The following DNAJB6 variants were observed in gnomAD, a reference collection of about 807,000 sequenced individuals.
DNAJB6 encodes dnaJ homolog subfamily B member 6.
Under a neutral mutation model 42.7 loss-of-function variants are expected in DNAJB6, and 16 were observed. The ratio of observed to expected loss-of-function variants is 0.37; its 90% CI spans 0.25 to 0.57. DNAJB6 has a LOEUF of 0.57. Ranked by LOEUF, DNAJB6 falls within the 20% of genes least tolerant of loss-of-function variation. The pLI, the probability that DNAJB6 is intolerant of heterozygous loss-of-function variation, is 0.74. For missense variants in DNAJB6, 347 were observed against 416.8 expected, an observed-to-expected ratio of 0.83 and a Z score of 1.46; for synonymous variants, 170 against 163.5, an observed-to-expected ratio of 1.04 and a Z score of -0.30.
In DNAJB6 at chr7:157,357,288, G is replaced by A. The variant is rs12672903; in HGVS notation, c.-26-1259G>A. On this transcript the variant is annotated intron_variant, in intron 1 of 9. Transcript: ENST00000262177. The stretch of plus-strand genomic sequence containing the variant: ...CGTCCTTCCTTCCGTCCTTCCTTCC[G>A]TCCTTCCTTCCTTCCTTCCTTCCTT... Among the ~76,000 whole-genome samples the A allele has an allele frequency of 9.3e-5, 3 of 32,170 alleles. 1 individual carries two copies. The highest frequency in any genetic ancestry group is 2.6e-4 in the African/African-American group (3 of 11,464). The allele number at this position is 32,170 out of a possible 152,430, so 21.1% of individuals were successfully genotyped here.
At chr7:157,388,690 C>G (rs1056454583) in intron 8 of DNAJB6, among the ~76,000 whole-genome samples, 11 of 151,414 alleles carry the variant, frequency 7.3e-5, no homozygotes, top group Non-Finnish European at 1.5e-4. Context: ...ATAGTGAATT[C>G]TGAGATGTTA....
At chr7:157,353,721 G>A (rs551076203) in intron 1 of DNAJB6, among the ~76,000 whole-genome samples, 119 of 152,076 alleles carry the variant, frequency 7.8e-4, no homozygotes, top group African/African-American at 2.5e-3. Context: ...ATGCCGCGGT[G>A]CAGTCCTGAC....
intron 5 of DNAJB6, chr7:157,381,351 C>T (rs1800758754): frequency 6.6e-6 from 1 of 152,108 alleles, no homozygotes; most frequent in African/African-American, 2.4e-5. Flanking sequence ...GGATTCCTTG[C>T]TTTTATCACA....
At chr7:157,338,034 G>T (rs1246593186) in intron 1 of DNAJB6, among the ~76,000 whole-genome samples, 1 of 152,220 alleles carries the variant, frequency 6.6e-6, no homozygotes, top group Non-Finnish European at 1.5e-5. Context: ...GGAAGAGTAG[G>T]CTGAGCGGCG....
chr7:157,367,570 T>C (rs1799905167), intron 5 of DNAJB6, 87 bp downstream of exon 5: 1 of 897,854 alleles, frequency 1.1e-6, no homozygotes, highest in South Asian at 1.3e-5. Flanking sequence ...GAATTAACAT[T>C]GTATTTTAGG....
chr7:157,405,507 A>T (rs1224339813), intron 8 of DNAJB6, among the ~76,000 whole-genome samples: 4 of 152,108 alleles, frequency 2.6e-5, no homozygotes, highest in Non-Finnish European at 5.9e-5. Flanking sequence ...CTGGGTTTCC[A>T]AGAACACCTG....
At chr7:157,393,757 C>T (rs980471053) in intron 8 of DNAJB6, among the ~76,000 whole-genome samples, 4 of 151,818 alleles carry the variant, frequency 2.6e-5, no homozygotes, top group South Asian at 2.1e-4. Flanking sequence ...ATGATCAGAT[C>T]GGGGTGCATG....
In DNAJB6 at chr7:157,416,908, C is replaced by T. The variant is rs1175422318; in HGVS notation, c.*810C>T. 6.6e-6 allele frequency: 1 copy of T among 152,218 alleles called. No individual in the cohort carries two copies. The highest frequency in any genetic ancestry group is 1.9e-4 in the East Asian group (1 of 5,204). 9.4% of individuals were successfully genotyped at this position (152,218 alleles called of 1,614,324 possible). ...GAGGTTGAACTCATGTTTCAGTTCG[C>T]GAACATTGACTCCTTACGAAAGTCA... is the stretch of plus-strand genomic sequence containing the variant. On this transcript the variant is annotated 3_prime_UTR_variant, in exon 10 of 10. Coordinates refer to ENST00000262177, the MANE Select transcript of DNAJB6 (RefSeq NM_058246.4).
At chr7:157,354,225 G>A (rs1376093869) in intron 1 of DNAJB6, among the ~76,000 whole-genome samples, 3 of 151,966 alleles carry the variant, frequency 2.0e-5, no homozygotes, top group Non-Finnish European at 2.9e-5. Context: ...TCGGCTCACC[G>A]CAGCCTCCGC....
chr7:157,384,787 T>C, intron 6 of DNAJB6, 80 bp from the exon 7 acceptor site: 1 of 1,371,890 alleles, frequency 7.3e-7, no homozygotes, highest in Non-Finnish European at 1.0e-6. Flanking sequence ...AATATTCTGC[T>C]ACTGAACTTT....
At chr7:157,382,461 T>C in intron 6 of DNAJB6, 84 bp downstream of exon 6, 1 of 1,446,764 alleles carries the variant, frequency 6.9e-7, no homozygotes, top group Non-Finnish European at 9.3e-7. Flanking sequence ...GTTAGAGTGC[T>C]TTAAAATATG....
intron 1 of DNAJB6, among the ~76,000 whole-genome samples, chr7:157,352,835 A>G (rs1250010290): frequency 6.6e-6 from 1 of 152,136 alleles, no homozygotes; most frequent in Non-Finnish European, 1.5e-5. Flanking sequence ...GTGAGTAGGT[A>G]GTTTTCCAAG....
In DNAJB6 at chr7:157,363,235, A is replaced by G; in HGVS notation, c.140A>G (p.Lys47Arg). 2 of 1,611,486 alleles carry G rather than the reference A, an allele frequency of 1.2e-6. No individual in the cohort carries two copies. The highest frequency in any genetic ancestry group is 1.7e-6 in the Non-Finnish European group (2 of 1,178,930). ...AAAGAAGAAGCAGAGAGAAAATTCAAGCAAGTAGCGGAGGCATATGAAGTG... is the reference window on the plus strand; with the variant it reads ...AAAGAAGAAGCAGAGAGAAAATTCAGGCAAGTAGCGGAGGCATATGAAGTG... ...ENKEEAERKF[K>R]QVAEAYEVLS... is the part of the protein sequence containing the mutation. Residue 47 changes from lysine (K) to arginine (R), a missense_variant, in exon 3 of 10, where the codon AAG becomes AGG. Lys to Arg is a conservative substitution (Grantham distance 26). Coordinates refer to ENST00000262177, the MANE Select transcript of DNAJB6 (RefSeq NM_058246.4).
intron 8 of DNAJB6, among the ~76,000 whole-genome samples, chr7:157,406,297 C>T (rs1370152201): frequency 1.3e-5 from 2 of 152,232 alleles, no homozygotes; most frequent in Non-Finnish European, 2.9e-5. Context: ...ATAAGGAGGT[C>T]CACATCTCCA....
intron 8 of DNAJB6, among the ~76,000 whole-genome samples, chr7:157,391,024 CAG>C: frequency 6.6e-6 from 1 of 152,194 alleles, no homozygotes; most frequent in East Asian, 1.9e-4. Flanking sequence ...TTAGTGGAGA[CAG>C]GGTTTTGCCG....
chr7:157,410,250 C>A, intron 9 of DNAJB6: 4 of 871,262 alleles, frequency 4.6e-6, no homozygotes, highest in Admixed American at 3.8e-5. Context: ...CGTGTTGCTC[C>A]GCAAAGGATG....
chr7:157,346,999 GCGCC>G (rs1490516292), intron 1 of DNAJB6, among the ~76,000 whole-genome samples: 1 of 152,210 alleles, frequency 6.6e-6, no homozygotes, highest in Non-Finnish European at 1.5e-5. Flanking sequence ...GAGACTACAG[GCGCC>G]CGCCACCACG....
chr7:157,402,869 C>G (rs1290466025), intron 8 of DNAJB6, among the ~76,000 whole-genome samples: 1 of 152,192 alleles, frequency 6.6e-6, no homozygotes, highest in Non-Finnish European at 1.5e-5. Context: ...CCACGGAACC[C>G]CACTTTCTCC....
chr7:157,395,880 TCCTGACCTCAAGTGATCCA>T (rs1161419205), intron 8 of DNAJB6, among the ~76,000 whole-genome samples: 1 of 150,880 alleles, frequency 6.6e-6, no homozygotes, highest in Non-Finnish European at 1.5e-5. Context: ...GGTCTTGAAC[TCCTGACCTCAAGTGATCCA>T]CCTGCCTTGG....
Sources: gnomAD v4.1 joint callset for allele counts (sites outside exome capture counted in the v4.1 genomes callset) on GRCh38, gnomAD v4.1.1 for gene constraint, MANE v1.5 for transcripts, NCBI Gene and HGNC (gene_info 2026-07-23, HGNC 2026-07-21) for gene names.